Variants in TAF3 observed in about 807,000 individuals in gnomAD.
TAF3 encodes transcription initiation factor TFIID subunit 3.
A neutral mutation model predicts 80.6 loss-of-function variants in TAF3; 7 were observed. The ratio of observed to expected loss-of-function variants is 0.09; its 90% CI spans 0.05 to 0.16. The LOEUF is 0.16. Among genes scored for constraint, TAF3 ranks in the 10% least tolerant of loss-of-function variants. The pLI is 1.00. For synonymous variants in TAF3, 444 were observed against 446.1 expected (o/e 1.00, Z 0.06); for missense variants, 921 against 1,140.2 (o/e 0.81, Z 2.77).
At chr10:7,862,927 AC>A (rs1282481677) in intron 2 of TAF3, among the ~76,000 whole-genome samples, 1 of 152,086 alleles carries the variant, frequency 6.6e-6, no homozygotes, top group African/African-American at 2.4e-5. Flanking sequence ...CAATTTCTTT[AC>A]CCATTCAGCT....
chr10:7,900,352 A>G (rs1411620477), intron 2 of TAF3, among the ~76,000 whole-genome samples: 1 of 152,236 alleles, frequency 6.6e-6, no homozygotes, highest in Non-Finnish European at 1.5e-5. Flanking sequence ...AATCATTCTT[A>G]TAAGGAAACA....
chr10:7,987,920 G>A (rs2131426126), intron 4 of TAF3, among the ~76,000 whole-genome samples: 1 of 152,274 alleles, frequency 6.6e-6, no homozygotes, highest in East Asian at 1.9e-4. Context: ...TCCGTCTCAG[G>A]TGAGTTTTTC....
chr10:7,819,712 G>A (rs757658361), intron 1 of TAF3, among the ~76,000 whole-genome samples: 1 of 152,194 alleles, frequency 6.6e-6, no homozygotes, highest in Non-Finnish European at 1.5e-5. Context: ...TTGTTGAGGA[G>A]AGGAAACTAC....
Position 7,889,021 on chromosome 10 carries a change from G to A in TAF3, c.409+64461G>A, listed in dbSNP as rs564201899. 1.0e-3 allele frequency among the ~76,000 whole-genome samples: 157 copies of A among 152,106 alleles called. 1 individual carries two copies. Among genetic ancestry groups the A allele is most frequent in the African/African-American group, 3.6e-3 (151 of 41,496 alleles). On this transcript the variant is annotated intron_variant, in intron 2 of 6. Transcript: ENST00000344293. The stretch of plus-strand genomic sequence containing the variant: ...GTTGAGGCACTTTTTTTTTCTACAC[G>A]TGGGATATTGGAGCTGCTTTTTATT...
rs568861951 is a variant in TAF3, at chr10:7,956,174, T to G, written c.410-7746T>G. The stretch of plus-strand genomic sequence containing the variant: ...TAGTATTCTTACAACTTTTCTACGT[T>G]TGAAATTATTTCAAATTTAAAAATT... On this transcript the variant is annotated intron_variant, in intron 2 of 6. Transcript: ENST00000344293. Among the ~76,000 whole-genome samples, 103 of 152,268 alleles carry G rather than the reference T, an allele frequency of 6.8e-4. No homozygotes were observed. In the South Asian group the frequency reaches 0.02, roughly 30 times the overall value.
At chr10:7,885,566 CATT>C (rs992955806) in intron 2 of TAF3, among the ~76,000 whole-genome samples, 2 of 152,194 alleles carry the variant, frequency 1.3e-5, no homozygotes, top group Admixed American at 6.5e-5. Context: ...CAACCAGTCT[CATT>C]AGTTTCTGCT....
intron 2 of TAF3, among the ~76,000 whole-genome samples, chr10:7,907,704 A>G (rs1837618956): frequency 1.3e-5 from 2 of 152,220 alleles, no homozygotes; most frequent in Admixed American, 1.3e-4. Context: ...TGCATCTCCC[A>G]GGTAAGCTCT....
intron 2 of TAF3, among the ~76,000 whole-genome samples, chr10:7,865,098 T>C (rs1225773618): frequency 6.6e-6 from 1 of 152,070 alleles, no homozygotes; most frequent in African/African-American, 2.4e-5. Flanking sequence ...TGGTGACTCA[T>C]GGGAAGCTTC....
At chr10:7,885,054 A>G (rs1213117632) in intron 2 of TAF3, among the ~76,000 whole-genome samples, 5 of 151,886 alleles carry the variant, frequency 3.3e-5, no homozygotes, top group African/African-American at 1.2e-4. Flanking sequence ...TTCACAAGAT[A>G]CTTGGAAGGG....
chr10:7,894,334 A>G (rs1437301987), intron 2 of TAF3, among the ~76,000 whole-genome samples: 1 of 152,212 alleles, frequency 6.6e-6, no homozygotes, highest in African/African-American at 2.4e-5. Flanking sequence ...ATTACCACCT[A>G]AGGTAGACAA....
chr10:7,977,736 A>G (rs1400293923), intron 4 of TAF3, among the ~76,000 whole-genome samples: 1 of 152,226 alleles, frequency 6.6e-6, no homozygotes. Context: ...CTTTTTGCTC[A>G]GATGGCACAT....
At chr10:7,958,411 T>C (rs1838157284) in intron 2 of TAF3, among the ~76,000 whole-genome samples, 1 of 152,166 alleles carries the variant, frequency 6.6e-6, no homozygotes, top group Non-Finnish European at 1.5e-5. Context: ...ATTGGACATT[T>C]CTGCAGCAGT....
At chr10:7,871,434 G>GTTTTTT (rs1837263649) in intron 2 of TAF3, among the ~76,000 whole-genome samples, 1 of 64,764 alleles carries the variant, frequency 1.5e-5, no homozygotes, top group Non-Finnish European at 3.1e-5. Flanking sequence ...AATAACTGCT[G>GTTTTTT]CTTTTTTTTT....
At chr10:7,948,829 C>T (rs957084559) in intron 2 of TAF3, among the ~76,000 whole-genome samples, 1 of 152,084 alleles carries the variant, frequency 6.6e-6, no homozygotes, top group African/African-American at 2.4e-5. Flanking sequence ...GTTTTTCTTT[C>T]GAATCTTGCT....
Position 7,873,617 on chromosome 10 carries a change from TCC to T in TAF3, c.409+49068_409+49069del, listed in dbSNP as rs76357762. ...TCCCCAAGGGAAGACATCCGAGTTC[TCC>T]CCCCCCCCCCGTCAAAAGGGGGTGT... On this transcript the variant is annotated intron_variant, in intron 2 of 6. Coordinates refer to ENST00000344293, the MANE Select transcript of TAF3 (RefSeq NM_031923.4). 6.5e-3 allele frequency among the ~76,000 whole-genome samples: 602 copies of T among 92,780 alleles called. 28 individuals are homozygous for T. The highest frequency in any genetic ancestry group is 0.017 in the African/African-American group (370 of 21,516). The allele number at this position is 92,780 out of a possible 152,430, so 60.9% of individuals were successfully genotyped here.
intron 2 of TAF3, among the ~76,000 whole-genome samples, chr10:7,944,010 G>A (rs776488547): frequency 2.8e-4 from 42 of 151,828 alleles, no homozygotes; most frequent in Admixed American, 4.6e-4. Flanking sequence ...ATTGATATGC[G>A]TAAGAGGAAG....
chr10:7,946,583 C>T (rs1451470261), intron 2 of TAF3, among the ~76,000 whole-genome samples: 4 of 152,154 alleles, frequency 2.6e-5, no homozygotes, highest in African/African-American at 4.8e-5. Context: ...ATTATCCAGG[C>T]GTAGTAGCAC....
chr10:7,878,012 T>C (rs1285864607), intron 2 of TAF3, among the ~76,000 whole-genome samples: 1 of 152,226 alleles, frequency 6.6e-6, no homozygotes, highest in African/African-American at 2.4e-5. Context: ...TTGGCATTTA[T>C]TCAGTAAACA....
intron 2 of TAF3, among the ~76,000 whole-genome samples, chr10:7,891,409 A>G (rs1369363799): frequency 6.6e-6 from 1 of 152,208 alleles, no homozygotes; most frequent in Non-Finnish European, 1.5e-5. Flanking sequence ...AAAAAACTTA[A>G]TATGAAAAAG....
Sources: gnomAD v4.1 joint callset for allele counts (sites outside exome capture counted in the v4.1 genomes callset) on GRCh38, gnomAD v4.1.1 for gene constraint, MANE v1.5 for transcripts, NCBI Gene and HGNC (gene_info 2026-07-23, HGNC 2026-07-21) for gene names.